The following SYT9 variants were observed in gnomAD, a reference collection of about 807,000 sequenced individuals.
The protein encoded by SYT9 is synaptotagmin-9.
A neutral mutation model predicts 48.4 loss-of-function variants in SYT9; 22 were observed. That is an observed-to-expected ratio of 0.45 (90% CI 0.32 to 0.65). The LOEUF (loss-of-function observed/expected upper bound fraction) is 0.65. Ranked by LOEUF, SYT9 falls within the 30% of genes least tolerant of loss-of-function variation. The probability of loss-of-function intolerance (pLI) is 0.03; values close to 1 mark genes in which losing one functional copy is unlikely to be tolerated. For missense variants in SYT9, 577 were observed against 622.0 expected, an observed-to-expected ratio of 0.93 and a Z score of 0.77; for synonymous variants, 265 against 245.0, an observed-to-expected ratio of 1.08 and a Z score of -0.76.
chr11:7,358,002 C>T (rs1372031929), intron 3 of SYT9, among the ~76,000 whole-genome samples: 2 of 151,760 alleles, frequency 1.3e-5, no homozygotes, highest in South Asian at 2.1e-4. Context: ...TGTTAAGCAG[C>T]GGAGAATAAA....
intron 3 of SYT9, among the ~76,000 whole-genome samples, chr11:7,337,751 C>A (rs1419673590): frequency 6.6e-6 from 1 of 152,008 alleles, no homozygotes; most frequent in Admixed American, 6.6e-5. Flanking sequence ...TGATGTGCTG[C>A]TGGATTTGGT....
chr11:7,465,143 C>A (rs1341479006), intron 6 of SYT9, among the ~76,000 whole-genome samples: 1 of 151,958 alleles, frequency 6.6e-6, no homozygotes, highest in Non-Finnish European at 1.5e-5. Flanking sequence ...GCTGATCTGG[C>A]AAACTGATAT....
Position 7,313,712 on chromosome 11 carries a change from A to T in SYT9, c.815A>T (p.His272Leu), listed in dbSNP as rs190886211. ...IYLLPDRKTK[H>L]QTKVHRKTLN... The stretch of plus-strand genomic sequence containing the variant: ...TTGCTTCCTGATCGGAAAACAAAAC[A>T]CCAGACTAAAGTTCACAGAAAGACC... The change falls in exon 3 of 7, where the codon CAC becomes CTC. Residue 272 changes from histidine to leucine, a missense_variant. Physicochemically the swap from His to Leu is moderately conservative, Grantham distance 99. Transcript: ENST00000318881. The T allele has an allele frequency of 3.7e-6, 6 of 1,614,174 alleles. No individual in the cohort carries two copies. In the East Asian group the frequency reaches 1.3e-4, roughly 36 times the overall value.
intron 6 of SYT9, chr11:7,435,129 A>T (rs1847676967): frequency 6.6e-6 from 1 of 152,298 alleles, no homozygotes; most frequent in Non-Finnish European, 1.5e-5. Flanking sequence ...TCCAGGCAGA[A>T]TCTAAACCAT....
chr11:7,345,130 G>A (rs1422797799), intron 3 of SYT9, among the ~76,000 whole-genome samples: 2 of 151,886 alleles, frequency 1.3e-5, no homozygotes, highest in Non-Finnish European at 2.9e-5. Context: ...CAGGTCTCTC[G>A]AGCTCTCTCA....
chr11:7,249,744 G>A (rs543832893), upstream of SYT9, among the ~76,000 whole-genome samples: 4 of 152,194 alleles, frequency 2.6e-5, no homozygotes, highest in East Asian at 3.9e-4. Context: ...AAAGATACAC[G>A]TTATCTTTGA....
At chr11:7,263,155 T>G (rs1292517064) in intron 1 of SYT9, among the ~76,000 whole-genome samples, 1 of 152,180 alleles carries the variant, frequency 6.6e-6, no homozygotes, top group African/African-American at 2.4e-5. Context: ...TCTTAGTCCA[T>G]TTGCACTGCC....
At chr11:7,247,299 T>C (rs1172232952), upstream of SYT9, among the ~76,000 whole-genome samples, 3 of 151,910 alleles carry the variant, frequency 2.0e-5, no homozygotes, top group Non-Finnish European at 4.4e-5. Flanking sequence ...GTCATTCTTA[T>C]GTCTTTGCAT....
intron 1 of SYT9, among the ~76,000 whole-genome samples, chr11:7,274,514 C>T (rs543464018): frequency 1.3e-3 from 194 of 152,150 alleles, no homozygotes; most frequent in Middle Eastern, 3.4e-3. Context: ...GATGGGGTTT[C>T]GCCATGTTGG....
chr11:7,326,088 T>C (rs1849428465), intron 3 of SYT9, among the ~76,000 whole-genome samples: 1 of 23,658 alleles, frequency 4.2e-5, no homozygotes, highest in Admixed American at 5.4e-4. Context: ...TTTGGTTGTG[T>C]CTCTGCCCGG....
At chr11:7,390,380 T>G (rs1051430437) in intron 3 of SYT9, among the ~76,000 whole-genome samples, 1 of 152,196 alleles carries the variant, frequency 6.6e-6, no homozygotes, top group African/African-American at 2.4e-5. Flanking sequence ...CACTGGAATT[T>G]TTTAGAAGCC....
chr11:7,250,785 T>G (rs1025721581), upstream of SYT9, among the ~76,000 whole-genome samples: 2 of 152,110 alleles, frequency 1.3e-5, no homozygotes, highest in Non-Finnish European at 2.9e-5. Context: ...TTGTGATATG[T>G]CCGTAGAGAC....
chr11:7,466,744 A>G (rs770744892), intron 6 of SYT9, 48 bp from the exon 7 acceptor site: 11 of 1,591,936 alleles, frequency 6.9e-6, no homozygotes, highest in South Asian at 1.2e-5. Context: ...AAAGAAAAAA[A>G]ATGTATGAAT....
At chr11:7,255,381 ATTAT>A (rs78055632) in intron 1 of SYT9, among the ~76,000 whole-genome samples, 79,448 of 151,622 alleles carry the variant, frequency 0.52, 20,974 homozygotes, top group Admixed American at 0.56. Flanking sequence ...CTTGTAAACC[ATTAT>A]AAAGACTTTG....
intron 3 of SYT9, among the ~76,000 whole-genome samples, chr11:7,399,650 TG>T (rs1466529984): frequency 4.2e-4 from 64 of 152,366 alleles, no homozygotes; most frequent in African/African-American, 1.4e-3. Context: ...ATCACTGTTT[TG>T]GTGTTATTGC....
At chr11:7,329,358 C>T (rs552858772) in intron 3 of SYT9, among the ~76,000 whole-genome samples, 1 of 152,200 alleles carries the variant, frequency 6.6e-6, no homozygotes, top group South Asian at 2.1e-4. Context: ...ATTTTCATTC[C>T]TAGAAGCTTT....
rs942359954 is a variant in SYT9, at chr11:7,303,246, C to T, written c.353C>T (p.Pro118Leu). ...GAGAACAGTGAGGACTTCCTAGATCCTCCCACGCCCTGCCCTGACTCCTCC... is the reference window on the plus strand; with the variant it reads ...GAGAACAGTGAGGACTTCCTAGATCTTCCCACGCCCTGCCCTGACTCCTCC... ...EQENSEDFLD[P>L]PTPCPDSSMK... The change falls in exon 2 of 7, where the codon CCT becomes CTT. Residue 118 changes from proline to leucine, a missense_variant. Pro to Leu is a moderately conservative substitution (Grantham distance 98, BLOSUM62 -3). Coordinates refer to ENST00000318881, the MANE Select transcript of SYT9 (RefSeq NM_175733.4). The T allele has an allele frequency of 6.2e-7, 1 of 1,614,142 alleles. No individual in the cohort carries two copies. Among genetic ancestry groups the T allele is most frequent in the African/African-American group, 1.3e-5 (1 of 75,038 alleles).
chr11:7,334,656 A>ATCCCCGCCACCCATCCCCCCAG (rs1420573486), intron 3 of SYT9, among the ~76,000 whole-genome samples: 17 of 148,768 alleles, frequency 1.1e-4, no homozygotes, highest in Non-Finnish European at 1.8e-4. Flanking sequence ...CATCCCCCCA[A>ATCCCCGCCACCCATCCCCCCAG]TCCCCAGGCA....
rs573952950 is a variant in SYT9 at position 7,283,214 on chromosome 11, A to G, written c.146-19825A>G. On this transcript the variant is annotated intron_variant, in intron 1 of 6. Transcript: ENST00000318881. The stretch of plus-strand genomic sequence containing the variant: ...ACATATATATTTATATATATGTTAT[A>G]TATGTTAAGCTGAATACTTACTAAG... Among the ~76,000 whole-genome samples the G allele has an allele frequency of 6.0e-4, 91 of 151,490 alleles. 1 individual carries two copies. Among genetic ancestry groups the G allele is most frequent in the African/African-American group, 2.2e-3 (89 of 41,368 alleles).
Sources: allele counts gnomAD v4.1 joint callset (sites outside exome capture counted in the v4.1 genomes callset), GRCh38; gene constraint gnomAD v4.1.1; transcripts MANE v1.5; gene names NCBI Gene and HGNC (gene_info 2026-07-23, HGNC 2026-07-21).